The following PGM5 variants were observed in gnomAD, a reference collection of about 807,000 sequenced individuals.
The protein encoded by PGM5 is phosphoglucomutase 5.
PGM5 carries 23 observed loss-of-function variants against 59.2 expected under a neutral mutation model. The observed-to-expected ratio is 0.39, with a 90% CI of 0.28 to 0.55. The LOEUF (loss-of-function observed/expected upper bound fraction) is 0.55. Ranked by LOEUF, PGM5 falls within the 20% of genes least tolerant of loss-of-function variation. PGM5 has a pLI of 0.66. For synonymous variants in PGM5, 214 were observed against 286.0 expected (o/e 0.75, Z 2.54); for missense variants, 574 against 748.3 (o/e 0.77, Z 2.72).
At chr9:68,412,777 A>G (rs1361081561) in intron 6 of PGM5, among the ~76,000 whole-genome samples, 4 of 152,232 alleles carry the variant, frequency 2.6e-5, no homozygotes, top group African/African-American at 9.6e-5. Flanking sequence ...GCTATGTTCC[A>G]TTTATATACA....
chr9:68,432,910 A>G (rs1291266693), intron 6 of PGM5, among the ~76,000 whole-genome samples: 1 of 152,092 alleles, frequency 6.6e-6, no homozygotes. Flanking sequence ...CCTGGCCTAA[A>G]TGAACCATAT....
chr9:68,375,612 C>A (rs1342340995), intron 1 of PGM5, among the ~76,000 whole-genome samples: 1 of 152,066 alleles, frequency 6.6e-6, no homozygotes, highest in Non-Finnish European at 1.5e-5. Context: ...GTACGCTTAC[C>A]ACATGCCAGA....
At chr9:68,449,262 C>T (rs1554684195) in intron 6 of PGM5, among the ~76,000 whole-genome samples, 1 of 152,200 alleles carries the variant, frequency 6.6e-6, no homozygotes, top group Non-Finnish European at 1.5e-5. Flanking sequence ...TGGACACAGA[C>T]CTTTAGTCTA....
intron 6 of PGM5, among the ~76,000 whole-genome samples, chr9:68,443,143 G>A (rs1176551036): frequency 6.6e-6 from 1 of 152,132 alleles, no homozygotes; most frequent in African/African-American, 2.4e-5. Context: ...CCTTCAACAG[G>A]TGAATAATAA....
rs782232185 is a variant in PGM5, at chr9:68,384,498, A to C, written c.525A>C (p.Leu175=). Residue 175 remains leucine, a synonymous_variant, in exon 3 of 11, where the codon CTA becomes CTC. Transcript: ENST00000396396. ...ATCTCCGAATCGACCTATCTCGACT[A>C]GGAAGACAAGAATTTGACCTAGAAA... The part of the protein sequence containing the change: ...CPDLRIDLSR[L]GRQEFDLENK... 5.6e-6 allele frequency: 9 copies of C among 1,610,136 alleles called. No individual in the cohort carries two copies. In the East Asian group the frequency reaches 8.9e-5, roughly 16 times the overall value.
In PGM5 at chr9:68,465,224, T is replaced by C. The variant is rs376807174; in HGVS notation, c.1159+16T>C. The stretch of plus-strand genomic sequence containing the variant: ...TTTGGCACTGGTAGGCTTTGTTGGG[T>C]TGATATTACTGGGGAGGGCGGCTGC... On this transcript the variant is annotated intron_variant, in intron 7 of 10. Transcript: ENST00000396396. 2.3e-5 allele frequency: 34 copies of C among 1,498,498 alleles called. No individual in the cohort carries two copies. The African/African-American group carries it at 4.1e-4, about 18-fold the overall frequency. The allele number at this position is 1,498,498 out of a possible 1,614,324, so 92.8% of individuals were successfully genotyped here. A position where few individuals can be genotyped will look rare whatever the true frequency, so the allele number is the denominator to read the frequency against.
At chr9:68,434,210 G>C (rs1554683219) in intron 6 of PGM5, among the ~76,000 whole-genome samples, 1 of 151,050 alleles carries the variant, frequency 6.6e-6, no homozygotes, top group Non-Finnish European at 1.5e-5. Context: ...CGAGCTACTT[G>C]GGAGGCTGAG....
intron 10 of PGM5, among the ~76,000 whole-genome samples, chr9:68,518,508 A>G (rs1174934942): frequency 6.6e-6 from 1 of 152,240 alleles, no homozygotes; most frequent in South Asian, 2.1e-4. Flanking sequence ...CACTATGTTC[A>G]TGGAAATAAA....
At chr9:68,435,432 C>T (rs1823429088) in intron 6 of PGM5, among the ~76,000 whole-genome samples, 1 of 152,176 alleles carries the variant, frequency 6.6e-6, no homozygotes, top group African/African-American at 2.4e-5. Context: ...CATCCATCAC[C>T]TCTCCATCCC....
chr9:68,393,187 G>C (rs1213208797), intron 6 of PGM5, among the ~76,000 whole-genome samples: 7 of 151,930 alleles, frequency 4.6e-5, no homozygotes, highest in Non-Finnish European at 1.0e-4. Flanking sequence ...GTATGTGCCT[G>C]GTGGAAAGTT....
intron 3 of PGM5, among the ~76,000 whole-genome samples, chr9:68,385,760 G>A (rs151019829): frequency 4.6e-5 from 7 of 151,676 alleles, no homozygotes; most frequent in African/African-American, 1.5e-4. Context: ...ATAGTTGTCC[G>A]AGAGACCCGA....
intron 9 of PGM5, among the ~76,000 whole-genome samples, chr9:68,487,429 T>TGCTC (rs1824313262): frequency 8.4e-6 from 1 of 119,050 alleles, no homozygotes. Context: ...GATACAACTA[T>TGCTC]TCTCTCTCTC....
intron 6 of PGM5, chr9:68,397,704 G>C (rs1331485162): frequency 6.6e-6 from 1 of 152,200 alleles, no homozygotes; most frequent in East Asian, 1.9e-4. Context: ...TTGTAACACA[G>C]GCTAGTGGAA....
At chr9:68,429,051 T>G (rs1823298740) in intron 6 of PGM5, 1 of 152,122 alleles carries the variant, frequency 6.6e-6, no homozygotes, top group South Asian at 2.1e-4. Flanking sequence ...TGGTTTGGAG[T>G]CTTCTAGTGG....
chr9:68,476,090 CTTAAGG>C (rs1489680619), intron 7 of PGM5, among the ~76,000 whole-genome samples: 1 of 152,154 alleles, frequency 6.6e-6, no homozygotes, highest in African/African-American at 2.4e-5. Context: ...TGTCCTATGA[CTTAAGG>C]TTAAGAAATA....
intron 10 of PGM5, among the ~76,000 whole-genome samples, chr9:68,525,859 G>A (rs1360240601): frequency 1.1e-4 from 16 of 152,158 alleles, no homozygotes; most frequent in African/African-American, 2.2e-4. Context: ...GATCAAGACC[G>A]TCCTGGCTAA....
At chr9:68,394,992 T>A (rs1312074598) in intron 6 of PGM5, among the ~76,000 whole-genome samples, 1 of 152,176 alleles carries the variant, frequency 6.6e-6, no homozygotes, top group African/African-American at 2.4e-5. Flanking sequence ...CAGTTTATTT[T>A]TCTTATAATT....
intron 10 of PGM5, among the ~76,000 whole-genome samples, chr9:68,500,111 T>C (rs1249336907): frequency 8.7e-6 from 1 of 115,586 alleles, no homozygotes; most frequent in South Asian, 3.1e-4. Context: ...CTTGATAAGA[T>C]GATTTTTTCA....
rs147398795 is a variant in PGM5, at chr9:68,454,878, C to T, written c.1044-10215C>T. Among the ~76,000 whole-genome samples, 103 of 152,298 alleles carry T rather than the reference C, an allele frequency of 6.8e-4. No homozygotes were observed. The East Asian group carries it at 9.6e-3, about 14-fold the overall frequency. On this transcript the variant is annotated intron_variant, in intron 6 of 10. Coordinates refer to ENST00000396396, the MANE Select transcript of PGM5 (RefSeq NM_021965.4). ...TGACCTTTCCAATATTCCCTTTCCT[C>T]GTAACTATGTGTCATTAAACTGAAG...
Sources: allele counts gnomAD v4.1 joint callset (sites outside exome capture counted in the v4.1 genomes callset), GRCh38; gene constraint gnomAD v4.1.1; transcripts MANE v1.5; gene names NCBI Gene and HGNC (gene_info 2026-07-23, HGNC 2026-07-21).